The following SHISA9 variants were observed in gnomAD, a reference collection of about 807,000 sequenced individuals.
The protein encoded by SHISA9 is shisa family member 9.
A neutral mutation model predicts 38.0 loss-of-function variants in SHISA9; 13 were observed. The ratio of observed to expected loss-of-function variants is 0.34; its 90% CI spans 0.22 to 0.54. The LOEUF (loss-of-function observed/expected upper bound fraction) is 0.54, where lower values mean the gene tolerates loss of function less well. SHISA9 is among the 20% of genes least tolerant of loss of function. The pLI is 0.91. For missense variants in SHISA9, 538 were observed against 575.8 expected, an observed-to-expected ratio of 0.93 and a Z score of 0.67; for synonymous variants, 275 against 242.0, an observed-to-expected ratio of 1.14 and a Z score of -1.27.
the SHISA9 span, among the ~76,000 whole-genome samples, chr16:13,366,699 A>G: frequency 5.9e-5 from 9 of 151,788 alleles, no homozygotes; most frequent in Admixed American, 3.9e-4. Flanking sequence ...ATAAAATAAA[A>G]TAAAGAGGCC....
the SHISA9 span, among the ~76,000 whole-genome samples, chr16:13,320,945 A>G: frequency 6.6e-6 from 1 of 152,244 alleles, no homozygotes; most frequent in Middle Eastern, 3.2e-3. Flanking sequence ...AACTGTCTGC[A>G]ATGCTGTAAA....
At chr16:13,030,324 C>G (rs1035210450) in intron 2 of SHISA9, among the ~76,000 whole-genome samples, 3 of 152,160 alleles carry the variant, frequency 2.0e-5, no homozygotes, top group Non-Finnish European at 4.4e-5. Context: ...AGAGTCGATG[C>G]TCCTGGGAGC....
intron 2 of SHISA9, among the ~76,000 whole-genome samples, chr16:13,036,187 C>G (rs767878350): frequency 9.9e-5 from 15 of 152,176 alleles, no homozygotes; most frequent in Non-Finnish European, 1.6e-4. Context: ...GTCTTGTATA[C>G]TAATGTTCAG....
the SHISA9 span, among the ~76,000 whole-genome samples, chr16:13,527,278 C>T: frequency 1.3e-5 from 2 of 152,230 alleles, no homozygotes; most frequent in Non-Finnish European, 2.9e-5. Flanking sequence ...GAATCTCCCT[C>T]AGCGTTTTTG....
chr16:13,390,141 T>C, the SHISA9 span, among the ~76,000 whole-genome samples: 2 of 149,556 alleles, frequency 1.3e-5, no homozygotes, highest in Non-Finnish European at 3.0e-5. Context: ...TTTTTTTCTG[T>C]AACTGAGCCA....
chr16:13,448,063 G>C, the SHISA9 span, among the ~76,000 whole-genome samples: 1 of 152,126 alleles, frequency 6.6e-6, no homozygotes, highest in Non-Finnish European at 1.5e-5. Flanking sequence ...TTCCAGGGTG[G>C]GTTTAGAAAT....
At chr16:13,169,052 G>A (rs560933151) in intron 2 of SHISA9, among the ~76,000 whole-genome samples, 3 of 152,232 alleles carry the variant, frequency 2.0e-5, no homozygotes, top group Non-Finnish European at 4.4e-5. Flanking sequence ...TTTGCTTTTG[G>A]ATTTCCAACT....
chr16:13,226,197 C>A (rs1250394349), intron 4 of SHISA9, among the ~76,000 whole-genome samples: 1 of 152,180 alleles, frequency 6.6e-6, no homozygotes, highest in Non-Finnish European at 1.5e-5. Flanking sequence ...CAGAGGGGAA[C>A]AGAAACATTA....
chr16:13,230,599 C>A (rs1267706794), intron 4 of SHISA9, among the ~76,000 whole-genome samples: 1 of 152,052 alleles, frequency 6.6e-6, no homozygotes, highest in Non-Finnish European at 1.5e-5. Context: ...GCATGGCCAC[C>A]TTTGTTACGG....
chr16:13,179,298 C>T (rs564901393), intron 2 of SHISA9, among the ~76,000 whole-genome samples: 5 of 152,148 alleles, frequency 3.3e-5, no homozygotes, highest in African/African-American at 1.2e-4. Flanking sequence ...GGTGACAGAG[C>T]AAGACTCTGT....
At chr16:13,048,430 T>G (rs74245933) in intron 2 of SHISA9, among the ~76,000 whole-genome samples, 5 of 147,942 alleles carry the variant, frequency 3.4e-5, no homozygotes, top group Admixed American at 2.0e-4. Context: ...ACTTATAACA[T>G]TTTTTTTTTG....
intron 2 of SHISA9, among the ~76,000 whole-genome samples, chr16:13,127,273 G>A (rs1330493978): frequency 5.7e-5 from 8 of 139,706 alleles, no homozygotes; most frequent in African/African-American, 1.6e-4. Flanking sequence ...GGAGAGGGAG[G>A]GAGGGAGAGA....
chr16:13,140,378 T>C (rs995415952), intron 2 of SHISA9, among the ~76,000 whole-genome samples: 3 of 151,980 alleles, frequency 2.0e-5, no homozygotes, highest in African/African-American at 7.3e-5. Flanking sequence ...GGTTTCACTG[T>C]GTTGGCCAGG....
At position 13,117,125 on chromosome 16, in the gene SHISA9, A is replaced by G. The variant is rs532249020; in HGVS notation, c.692-86269A>G. Among the ~76,000 whole-genome samples, 20 of 152,196 alleles carry G rather than the reference A, an allele frequency of 1.3e-4. No homozygotes were observed. In the South Asian group the frequency reaches 1.7e-3, roughly 13 times the overall value. The stretch of plus-strand genomic sequence containing the variant: ...GTAGCTGGGATTACAGGCCTGCGCC[A>G]CCACCACGCCCGGCTAATTTTTATA... On this transcript the variant is annotated intron_variant, in intron 2 of 4. Transcript: ENST00000558583.
intron 2 of SHISA9, among the ~76,000 whole-genome samples, chr16:13,136,764 T>C (rs1455823409): frequency 6.6e-6 from 1 of 152,216 alleles, no homozygotes; most frequent in Non-Finnish European, 1.5e-5. Flanking sequence ...GAGTCCTTTC[T>C]ACTGATAAGT....
At chr16:13,056,541 T>A (rs964084620) in intron 2 of SHISA9, among the ~76,000 whole-genome samples, 1 of 152,142 alleles carries the variant, frequency 6.6e-6, no homozygotes, top group Admixed American at 6.5e-5. Flanking sequence ...ACTAGAATAA[T>A]ATCAGTTATG....
chr16:13,440,317 A>G, the SHISA9 span, among the ~76,000 whole-genome samples: 1 of 152,224 alleles, frequency 6.6e-6, no homozygotes, highest in African/African-American at 2.4e-5. Context: ...TTTCTGCAAT[A>G]GAGCCTCATC....
the SHISA9 span, among the ~76,000 whole-genome samples, chr16:13,529,303 A>G: frequency 6.6e-6 from 1 of 152,204 alleles, no homozygotes; most frequent in Non-Finnish European, 1.5e-5. Context: ...TTGCAACTCA[A>G]CCCTGGCATA....
intron 1 of SHISA9, among the ~76,000 whole-genome samples, chr16:12,903,837 G>C (rs2071056793): frequency 1.3e-5 from 2 of 152,222 alleles, no homozygotes; most frequent in Non-Finnish European, 2.9e-5. Context: ...CGCTCCGTGT[G>C]ATGCCTAAAA....
Sources: allele counts gnomAD v4.1 joint callset (sites outside exome capture counted in the v4.1 genomes callset), GRCh38; gene constraint gnomAD v4.1.1; transcripts MANE v1.5; gene names NCBI Gene and HGNC (gene_info 2026-07-23, HGNC 2026-07-21).